GNG2: variants seen among roughly 807,000 people sequenced by gnomAD.
GNG2 encodes G protein subunit gamma 2.
A neutral mutation model predicts 5.5 loss-of-function variants in GNG2; 5 were observed. The ratio of observed to expected loss-of-function variants is 0.91; its 90% CI spans 0.48 to 1.92. The LOEUF (loss-of-function observed/expected upper bound fraction) is 1.92, where lower values mean the gene tolerates loss of function less well. GNG2 is among the 30% of genes most tolerant of loss of function. The pLI is 0.01. For synonymous variants in GNG2, 28 were observed against 32.0 expected (o/e 0.88, Z 0.42); for missense variants, 55 against 88.4 (o/e 0.62, Z 1.52).
chr14:51,866,783 G>A (rs1401204525), intron 1 of GNG2, among the ~76,000 whole-genome samples: 2 of 152,204 alleles, frequency 1.3e-5, no homozygotes, highest in Non-Finnish European at 2.9e-5. Context: ...GTGGCCTCAT[G>A]TCCTAATACC....
chr14:51,879,151 T>C (rs1397312167), intron 2 of GNG2, among the ~76,000 whole-genome samples: 3 of 152,208 alleles, frequency 2.0e-5, no homozygotes, highest in Non-Finnish European at 2.9e-5. Context: ...CATATTCCAC[T>C]CATCTAAAAG....
intron 1 of GNG2, chr14:51,874,052 G>C (rs1173588176): frequency 6.6e-6 from 1 of 152,166 alleles, no homozygotes; most frequent in African/African-American, 2.4e-5. Context: ...ATGATTCCAT[G>C]TGAAGAACCA....
At chr14:51,886,008 A>G (rs1372378430) in intron 2 of GNG2, among the ~76,000 whole-genome samples, 1 of 152,232 alleles carries the variant, frequency 6.6e-6, no homozygotes, top group East Asian at 1.9e-4. Flanking sequence ...GGAAAAACAG[A>G]TGGTACCTCT....
At chr14:51,917,895 G>A (rs555728450) in intron 2 of GNG2, among the ~76,000 whole-genome samples, 23 of 151,988 alleles carry the variant, frequency 1.5e-4, no homozygotes, top group South Asian at 4.2e-4. Context: ...GCATGGTGGC[G>A]GGCGCCTGTA....
At chr14:51,938,979 T>G (rs79561329) in intron 2 of GNG2, among the ~76,000 whole-genome samples, 4,868 of 152,286 alleles carry the variant, frequency 0.032, 187 homozygotes, top group East Asian at 0.13. Context: ...GCTGCTGCCT[T>G]TCAGATCCCC....
intron 2 of GNG2, among the ~76,000 whole-genome samples, chr14:51,848,485 T>C (rs1881745187): frequency 6.6e-6 from 1 of 152,194 alleles, no homozygotes; most frequent in Non-Finnish European, 1.5e-5. Context: ...TTGATGCTTC[T>C]GAACACACCC....
intron 2 of GNG2, among the ~76,000 whole-genome samples, chr14:51,886,631 G>A (rs1377721355): frequency 2.0e-5 from 3 of 152,180 alleles, no homozygotes; most frequent in East Asian, 1.9e-4. Context: ...TTATCCTTTG[G>A]CCTGAGGTAT....
chr14:51,845,043 T>C (rs917218553), intron 2 of GNG2, among the ~76,000 whole-genome samples: 1 of 152,234 alleles, frequency 6.6e-6, no homozygotes, highest in Non-Finnish European at 1.5e-5. Flanking sequence ...ACAATTTTTA[T>C]TGAAACAACT....
intron 2 of GNG2, among the ~76,000 whole-genome samples, chr14:51,880,970 A>AAG (rs1884021243): frequency 7.0e-6 from 1 of 142,558 alleles, no homozygotes; most frequent in South Asian, 2.1e-4. Flanking sequence ...AAAAAAAGAA[A>AAG]AAAAAAAAAA....
At chr14:51,890,574 G>T (rs138711113) in intron 2 of GNG2, among the ~76,000 whole-genome samples, 1 of 152,242 alleles carries the variant, frequency 6.6e-6, no homozygotes, top group East Asian at 1.9e-4. Context: ...ATTCTCTCCA[G>T]TTCTGGCATA....
At chr14:51,926,492 A>C (rs1054170522) in intron 2 of GNG2, among the ~76,000 whole-genome samples, 1 of 152,196 alleles carries the variant, frequency 6.6e-6, no homozygotes, top group Non-Finnish European at 1.5e-5. Context: ...AACCTAGGCC[A>C]CCTTTTTGGT....
chr14:51,868,402 A>G (rs550807105), intron 1 of GNG2, among the ~76,000 whole-genome samples: 2 of 152,328 alleles, frequency 1.3e-5, no homozygotes, highest in East Asian at 3.9e-4. Context: ...CCATTGACAG[A>G]AATGACTTAC....
At chr14:51,904,498 A>G (rs1482165896) in intron 2 of GNG2, among the ~76,000 whole-genome samples, 1 of 152,090 alleles carries the variant, frequency 6.6e-6, no homozygotes, top group African/African-American at 2.4e-5. Context: ...CCATACGGAG[A>G]TGTTGTTGGG....
At chr14:51,952,729 C>A (rs1334906650) in intron 3 of GNG2, among the ~76,000 whole-genome samples, 1 of 152,194 alleles carries the variant, frequency 6.6e-6, no homozygotes, top group East Asian at 1.9e-4. Flanking sequence ...ATAGTTTAGA[C>A]TTTTATCATC....
At chr14:51,941,015 A>G (rs58947656) in intron 2 of GNG2, among the ~76,000 whole-genome samples, 3,890 of 152,006 alleles carry the variant, frequency 0.026, 167 homozygotes, top group African/African-American at 0.088. Context: ...TATATATACC[A>G]ATCTAATTAA....
intron 2 of GNG2, among the ~76,000 whole-genome samples, chr14:51,853,006 T>A (rs1316469505): frequency 1.3e-5 from 2 of 152,334 alleles, no homozygotes; most frequent in Non-Finnish European, 1.5e-5. Flanking sequence ...ACTATCACAT[T>A]TCCCCCCTTG....
chr14:51,965,605 C>A (rs12433722), intron 3 of GNG2, among the ~76,000 whole-genome samples: 13,420 of 152,110 alleles, frequency 0.088, 1,313 homozygotes, highest in East Asian at 0.38. Flanking sequence ...CACTAAAGGG[C>A]ACAATGCTTG....
At chr14:51,949,836 A>G (rs1594952170) in intron 2 of GNG2, among the ~76,000 whole-genome samples, 1 of 152,192 alleles carries the variant, frequency 6.6e-6, no homozygotes, top group Non-Finnish European at 1.5e-5. Flanking sequence ...ATGTCAAGAA[A>G]GGATAAGAAG....
At chr14:51,937,693 G>A (rs916790383) in intron 2 of GNG2, among the ~76,000 whole-genome samples, 21 of 117,518 alleles carry the variant, frequency 1.8e-4, no homozygotes, top group Admixed American at 5.2e-4. Flanking sequence ...AGTTACATAT[G>A]TATACATGTG....
Sources: allele counts gnomAD v4.1 joint callset (sites outside exome capture counted in the v4.1 genomes callset), GRCh38; gene constraint gnomAD v4.1.1; transcripts MANE v1.5; gene names NCBI Gene and HGNC (gene_info 2026-07-23, HGNC 2026-07-21).